The following GTPBP8 variants were observed in gnomAD, a reference collection of about 807,000 sequenced individuals.
GTPBP8 encodes the protein GTP-binding protein 8.
GTPBP8 carries 21 observed loss-of-function variants against 27.3 expected under a neutral mutation model. The ratio of observed to expected loss-of-function variants is 0.77; its 90% CI spans 0.55 to 1.11. GTPBP8 has a LOEUF of 1.11. Ranked by LOEUF, GTPBP8 falls within the 50% of genes least tolerant of loss-of-function variation. The probability of loss-of-function intolerance (pLI) is 0.00; values close to 1 mark genes in which losing one functional copy is unlikely to be tolerated. For synonymous variants in GTPBP8, 147 were observed against 135.3 expected, an observed-to-expected ratio of 1.09 and a Z score of -0.60; for missense variants, 380 against 350.8, an observed-to-expected ratio of 1.08 and a Z score of -0.67.
intron 1 of GTPBP8, chr3:112,992,491 A>C (rs1933702460): frequency 6.6e-6 from 1 of 152,660 alleles, no homozygotes; most frequent in South Asian, 2.1e-4. Context: ...TGTTTTCCAC[A>C]CTACAGAGGA....
At position 112,996,999 on chromosome 3, in the gene GTPBP8, C is replaced by T. The variant is rs1200495630; in HGVS notation, c.666+8C>T. 1.6e-5 allele frequency: 20 copies of T among 1,244,672 alleles called. No homozygotes were observed. The highest frequency in any genetic ancestry group is 2.2e-5 in the Non-Finnish European group (19 of 845,798). The allele number at this position is 1,244,672 out of a possible 1,614,324, so 77.1% of individuals were successfully genotyped here. ...TTTGCATTACCTTATGTGGTAAGTA[C>T]TTCCTTTGAATCATGGTTGCAATTA... On this transcript the variant is annotated splice_region_variant and intron_variant, in intron 4 of 5. Transcript: ENST00000383678.
At chr3:112,992,931 A>C (rs1156282194) in intron 1 of GTPBP8, 95 bp from the exon 2 acceptor site, 1 of 643,290 alleles carries the variant, frequency 1.6e-6, no homozygotes, top group Non-Finnish European at 2.8e-6. Context: ...TTCATTCAAT[A>C]AATATTAGCT....
In GTPBP8 at chr3:113,000,893, G is replaced by GC; in HGVS notation, c.831dup (p.Ser278GlnfsTer7). On this transcript the variant is annotated frameshift_variant, in exon 6 of 6. Transcript: ENST00000383678. LOFTEE classifies it high-confidence loss of function. The stretch of plus-strand genomic sequence containing the variant: ...AATCCACCTGTTGAGATGCTTTATA[G>GC]CCAGTGTAACAGGAAGTCTTGACTA... 1 of 1,591,292 alleles carries GC rather than the reference G, an allele frequency of 6.3e-7. No homozygotes were observed. The highest frequency in any genetic ancestry group is 1.7e-5 in the Admixed American group (1 of 59,506).
chr3:112,996,578 G>A (rs1052448643), intron 3 of GTPBP8, among the ~76,000 whole-genome samples: 6 of 151,812 alleles, frequency 4.0e-5, no homozygotes, highest in East Asian at 1.9e-4. Flanking sequence ...TCTCCTCCTC[G>A]AGTTTAAGCT....
chr3:112,992,825 G>A (rs193011198), intron 1 of GTPBP8, among the ~76,000 whole-genome samples: 169 of 152,194 alleles, frequency 1.1e-3, no homozygotes, highest in Admixed American at 2.8e-3. Context: ...TCTCTCATCC[G>A]TAAAATGGGG....
chr3:112,998,919 C>A (rs1933838076), intron 4 of GTPBP8, among the ~76,000 whole-genome samples: 3 of 152,044 alleles, frequency 2.0e-5, no homozygotes, highest in South Asian at 2.1e-4. Context: ...TAATAATCAC[C>A]CATACTTTGA....
chr3:112,999,621 TG>T (rs1933854018), intron 5 of GTPBP8, 57 bp downstream of exon 5: 3 of 737,852 alleles, frequency 4.1e-6, no homozygotes, highest in Non-Finnish European at 2.3e-6. Flanking sequence ...GAGAATGTTG[TG>T]GGTTTTTTTT....
intron 2 of GTPBP8, 72 bp from the exon 3 acceptor site, chr3:112,995,063 A>G (rs1211645706): frequency 8.5e-7 from 1 of 1,171,500 alleles, no homozygotes; most frequent in Admixed American, 2.4e-5. Context: ...TTAACTGGAA[A>G]ACATTTTGAA....
Position 112,999,262 on chromosome 3 carries a change from T to C in GTPBP8, c.667-184T>C, listed in dbSNP as rs1310995882. 2.0e-5 allele frequency among the ~76,000 whole-genome samples: 3 copies of C among 152,244 alleles called. No homozygotes were observed. In the East Asian group the frequency reaches 5.8e-4, roughly 29 times the overall value. On this transcript the variant is annotated intron_variant, in intron 4 of 5. Coordinates refer to ENST00000383678, the MANE Select transcript of GTPBP8 (RefSeq NM_014170.4). ...TGTATACTTGATGTGTTTCACACAT[T>C]TGCTCATTTAATCTTTTCAGCTACC...
At chr3:112,999,037 TTAGAG>T (rs756449371) in intron 4 of GTPBP8, among the ~76,000 whole-genome samples, 5 of 152,194 alleles carry the variant, frequency 3.3e-5, no homozygotes, top group Non-Finnish European at 7.4e-5. Flanking sequence ...ATTTTTTTCT[TTAGAG>T]TATAGGTCAA....
At chr3:112,999,411 T>C (rs771646065) in intron 4 of GTPBP8, 35 bp from the exon 5 acceptor site, 1 of 730,624 alleles carries the variant, frequency 1.4e-6, no homozygotes, top group Non-Finnish European at 2.3e-6. Context: ...AAGAACCACT[T>C]TATTTCTAAT....
intron 4 of GTPBP8, among the ~76,000 whole-genome samples, chr3:112,998,684 C>T (rs750756895): frequency 6.6e-5 from 10 of 152,072 alleles, no homozygotes; most frequent in Non-Finnish European, 8.8e-5. Context: ...GATTTTGTTT[C>T]CTGATGCCTA....
At chr3:112,994,789 T>C (rs1322695402) in intron 2 of GTPBP8, among the ~76,000 whole-genome samples, 1 of 152,230 alleles carries the variant, frequency 6.6e-6, no homozygotes, top group Non-Finnish European at 1.5e-5. Context: ...CAGAGAATAT[T>C]GACTGATGCA....
At chr3:112,993,627 G>T (rs936032547) in intron 2 of GTPBP8, among the ~76,000 whole-genome samples, 3 of 152,012 alleles carry the variant, frequency 2.0e-5, no homozygotes, top group African/African-American at 7.2e-5. Context: ...TCTCAACGAC[G>T]CAGTCTCTGC....
rs1263221661 is a variant in GTPBP8, at chr3:112,996,956, A to G, written c.631A>G (p.Ile211Val). Residue 211 changes from isoleucine to valine, a missense_variant, in exon 4 of 6, where the codon ATA becomes GTA. Physicochemically the swap from Ile to Val is conservative, Grantham distance 29 (BLOSUM62 3). Coordinates refer to ENST00000383678, the MANE Select transcript of GTPBP8 (RefSeq NM_014170.4). ...VGIQKTDNIA[I>V]EMCEEFALPY... ...AATTCAAAAAACAGACAATATTGCC[A>G]TAGAAATGTGTGAAGAATTTGCATT... The G allele has an allele frequency of 5.1e-6, 8 of 1,573,720 alleles. No homozygotes were observed. The highest frequency in any genetic ancestry group is 8.7e-7 in the Non-Finnish European group (1 of 1,144,804).
At chr3:112,996,057 CTTGT>C (rs1481040416) in intron 3 of GTPBP8, among the ~76,000 whole-genome samples, 1 of 152,010 alleles carries the variant, frequency 6.6e-6, no homozygotes, top group Non-Finnish European at 1.5e-5. Flanking sequence ...AAAAATGTAT[CTTGT>C]TTGTTGTAGC....
chr3:112,991,236 C>G lies in GTPBP8; in HGVS notation c.237C>G (p.Ala79=). 6.2e-7 allele frequency: 1 copy of G among 1,614,104 alleles called. No homozygotes were observed. The highest frequency in any genetic ancestry group is 8.5e-7 in the Non-Finnish European group (1 of 1,180,034). Residue 79 remains alanine, a synonymous_variant, in exon 1 of 6, where the codon GCC becomes GCG. Transcript: ENST00000383678. ...RIFDPSPEDI[A]RADNIFTATE... Reference sequence around the variant, plus strand: ...TTGACCCAAGCCCGGAGGACATAGCCAGGGCGGACAACATCTTCACGGCCA... The same window carrying G: ...TTGACCCAAGCCCGGAGGACATAGCGAGGGCGGACAACATCTTCACGGCCA...
At chr3:112,999,125 T>C (rs1933843066) in intron 4 of GTPBP8, among the ~76,000 whole-genome samples, 1 of 152,262 alleles carries the variant, frequency 6.6e-6, no homozygotes, top group Non-Finnish European at 1.5e-5. Context: ...CTATCAGGTA[T>C]ATTGTGATCA....
intron 4 of GTPBP8, among the ~76,000 whole-genome samples, chr3:112,997,588 A>G (rs1933809866): frequency 6.6e-6 from 1 of 152,246 alleles, no homozygotes; most frequent in Non-Finnish European, 1.5e-5. Flanking sequence ...TCCAGAAAAA[A>G]TGGCACTCTT....
Sources: allele counts gnomAD v4.1 joint callset (sites outside exome capture counted in the v4.1 genomes callset), GRCh38; gene constraint gnomAD v4.1.1; transcripts MANE v1.5; gene names NCBI Gene and HGNC (gene_info 2026-07-23, HGNC 2026-07-21).